Variants in ZNF804A observed in about 807,000 individuals in gnomAD.
ZNF804A encodes the protein zinc finger protein 804A.
In ZNF804A, 2 loss-of-function variants were observed where a neutral mutation model predicts 16.5. The observed-to-expected ratio is 0.12, with a 90% confidence interval of 0.05 to 0.38. The LOEUF (loss-of-function observed/expected upper bound fraction) is 0.38, where lower values mean the gene tolerates loss of function less well. ZNF804A is among the 10% of genes least tolerant of loss of function. The pLI is 0.99. For missense variants in ZNF804A, 1,473 were observed against 1,390.7 expected (o/e 1.06, Z -0.94); for synonymous variants, 534 against 489.6 (o/e 1.09, Z -1.20).
intron 1 of ZNF804A, among the ~76,000 whole-genome samples, chr2:184,694,791 T>C (rs979821189): frequency 6.6e-6 from 1 of 152,208 alleles, no homozygotes; most frequent in African/African-American, 2.4e-5. Context: ...GAGTTCCTTA[T>C]TTTATCTGAC....
chr2:184,928,774 C>G (rs770580872), intron 2 of ZNF804A, among the ~76,000 whole-genome samples: 4 of 152,190 alleles, frequency 2.6e-5, no homozygotes, highest in Non-Finnish European at 5.9e-5. Context: ...AGGTGAGCAT[C>G]AGTGGAGTTC....
intron 2 of ZNF804A, among the ~76,000 whole-genome samples, chr2:184,929,720 G>A (rs1685666934): frequency 6.6e-6 from 1 of 151,994 alleles, no homozygotes; most frequent in African/African-American, 2.4e-5. Context: ...ATTTCACCTG[G>A]TATTTTACTT....
intron 1 of ZNF804A, among the ~76,000 whole-genome samples, chr2:184,703,521 T>G (rs772628181): frequency 6.6e-6 from 1 of 151,422 alleles, no homozygotes; most frequent in African/African-American, 2.4e-5. Context: ...AAACCCCGTC[T>G]CTACTAAAAC....
chr2:184,864,282 TAAC>T (rs1044844374), intron 1 of ZNF804A, among the ~76,000 whole-genome samples: 5 of 152,102 alleles, frequency 3.3e-5, no homozygotes, highest in Non-Finnish European at 5.9e-5. Flanking sequence ...AGGATCTTTT[TAAC>T]AACCAACTCT....
intron 1 of ZNF804A, among the ~76,000 whole-genome samples, chr2:184,749,940 G>C (rs1296261568): frequency 6.6e-6 from 1 of 151,190 alleles, no homozygotes; most frequent in East Asian, 1.9e-4. Context: ...TCTTACTGCT[G>C]TCAGAACATT....
At position 184,694,648 on chromosome 2, in the gene ZNF804A, A is replaced by T. The variant is rs1038199; in HGVS notation, c.111+95578A>T. 9.0e-3 allele frequency among the ~76,000 whole-genome samples: 1,377 copies of T among 152,334 alleles called. 22 individuals carry two copies. The highest frequency in any genetic ancestry group is 0.032 in the African/African-American group (1,317 of 41,574). On this transcript the variant is annotated intron_variant, in intron 1 of 3. Coordinates refer to ENST00000302277, the MANE Select transcript of ZNF804A (RefSeq NM_194250.2). The stretch of plus-strand genomic sequence containing the variant: ...TCAAGAACATAAAATTTATTCAAGA[A>T]TTCTTCTCAGAAATAGGATCACTGG...
chr2:184,637,020 T>G (rs1195396692), intron 1 of ZNF804A, among the ~76,000 whole-genome samples: 1 of 152,158 alleles, frequency 6.6e-6, no homozygotes, highest in African/African-American at 2.4e-5. Flanking sequence ...GTAGAAGATT[T>G]TTAAATTGCT....
intron 1 of ZNF804A, among the ~76,000 whole-genome samples, chr2:184,779,780 C>T (rs1487440850): frequency 6.6e-6 from 1 of 151,724 alleles, no homozygotes; most frequent in Non-Finnish European, 1.5e-5. Flanking sequence ...ACTCCGCAGA[C>T]ACCCTAATTT....
At chr2:184,787,861 T>C (rs1393673407) in intron 1 of ZNF804A, among the ~76,000 whole-genome samples, 1 of 151,828 alleles carries the variant, frequency 6.6e-6, no homozygotes, top group East Asian at 1.9e-4. Context: ...CCCATTTGTC[T>C]ATATTTGTTT....
Position 184,937,361 on chromosome 2 carries a change from A to C in ZNF804A, c.1965A>C (p.Leu655Phe), listed in dbSNP as rs1685809106. The C allele has an allele frequency of 6.2e-7, 1 of 1,613,568 alleles. No individual in the cohort carries two copies. The highest frequency in any genetic ancestry group is 1.3e-5 in the African/African-American group (1 of 74,920). ...AGCAATTATTAGACTCACATCAGTT[A>C]CTTGATAAAAGGCCCAAATCAGAAT... ...AAEQLLDSHQLLDKRPKSESI... is the reference protein window; with the variant it reads ...AAEQLLDSHQFLDKRPKSESI... The change falls in exon 4 of 4, where the codon TTA becomes TTC. Residue 655 changes from leucine (L) to phenylalanine (F), a missense_variant. Leu to Phe is a conservative substitution (Grantham distance 22). Transcript: ENST00000302277.
intron 1 of ZNF804A, among the ~76,000 whole-genome samples, chr2:184,863,108 G>C (rs1695823911): frequency 6.6e-6 from 1 of 152,132 alleles, no homozygotes; most frequent in Non-Finnish European, 1.5e-5. Context: ...TGAGTTCATA[G>C]TTATTGAAGC....
chr2:184,793,659 T>C (rs141310564), intron 1 of ZNF804A, among the ~76,000 whole-genome samples: 1 of 152,234 alleles, frequency 6.6e-6, no homozygotes, highest in African/African-American at 2.4e-5. Flanking sequence ...AAGATTTTGG[T>C]GCACTCATAA....
At chr2:184,829,801 C>A (rs1166457235) in intron 1 of ZNF804A, among the ~76,000 whole-genome samples, 1 of 149,158 alleles carries the variant, frequency 6.7e-6, no homozygotes, top group Non-Finnish European at 1.5e-5. Context: ...GTGGCTCATG[C>A]CTATAATCCT....
At chr2:184,628,351 A>G (rs530186814) in intron 1 of ZNF804A, among the ~76,000 whole-genome samples, 1 of 152,222 alleles carries the variant, frequency 6.6e-6, no homozygotes, top group African/African-American at 2.4e-5. Flanking sequence ...TAAAGAACAA[A>G]ATTTTAAGGC....
intron 1 of ZNF804A, among the ~76,000 whole-genome samples, chr2:184,662,680 G>T (rs1485034009): frequency 6.6e-6 from 1 of 152,078 alleles, no homozygotes; most frequent in Non-Finnish European, 1.5e-5. Flanking sequence ...ATGTGAAAAT[G>T]CATAGTAAAA....
intron 1 of ZNF804A, among the ~76,000 whole-genome samples, chr2:184,761,666 C>T (rs1311164903): frequency 1.3e-5 from 2 of 151,994 alleles, no homozygotes; most frequent in Admixed American, 1.3e-4. Context: ...CTGAACAAAA[C>T]AAAAACAAGT....
chr2:184,754,973 A>C (rs1693936743), intron 1 of ZNF804A, among the ~76,000 whole-genome samples: 1 of 151,854 alleles, frequency 6.6e-6, no homozygotes, highest in African/African-American at 2.4e-5. Flanking sequence ...GAAGAACGGC[A>C]CAGGGAAAAC....
chr2:184,697,014 G>T (rs1355261058), intron 1 of ZNF804A, among the ~76,000 whole-genome samples: 3 of 151,706 alleles, frequency 2.0e-5, no homozygotes, highest in Admixed American at 1.3e-4. Flanking sequence ...AAAAAATAGT[G>T]ACTTCAGTAA....
intron 2 of ZNF804A, among the ~76,000 whole-genome samples, chr2:184,868,841 G>C (rs532464984): frequency 3.9e-5 from 6 of 151,940 alleles, no homozygotes; most frequent in Non-Finnish European, 8.8e-5. Flanking sequence ...TAAAACTCCA[G>C]CCTAATGCTT....
Sources: allele counts gnomAD v4.1 joint callset (sites outside exome capture counted in the v4.1 genomes callset), GRCh38; gene constraint gnomAD v4.1.1; transcripts MANE v1.5; gene names NCBI Gene and HGNC (gene_info 2026-07-23, HGNC 2026-07-21).